The following CIMIP4 variants were observed in gnomAD, a reference collection of about 807,000 sequenced individuals.
CIMIP4 encodes the protein ciliary microtubule inner protein 4, also known as protein EAN57.
At chr22:37,002,168 G>T in the CIMIP4 span, 1 of 1,507,706 alleles carries the variant, frequency 6.6e-7, no homozygotes, top group Non-Finnish European at 8.9e-7. Context: ...GGCTCCCAGG[G>T]GCAGGGGCTG....
At chr22:37,005,815 A>G in the CIMIP4 span, among the ~76,000 whole-genome samples, 1 of 152,192 alleles carries the variant, frequency 6.6e-6, no homozygotes, top group Non-Finnish European at 1.5e-5. Context: ...TGATGAATTG[A>G]AGAAGGGACT....
chr22:37,004,171 G>A, the CIMIP4 span: 13 of 669,976 alleles, frequency 1.9e-5, no homozygotes, highest in Admixed American at 3.6e-4. Flanking sequence ...GTGCCCTCTG[G>A]CACTGCCCAG....
the CIMIP4 span, among the ~76,000 whole-genome samples, chr22:37,001,241 G>A: frequency 6.6e-6 from 1 of 151,646 alleles, no homozygotes; most frequent in Admixed American, 6.6e-5. Flanking sequence ...TGCAGGCTGG[G>A]AGGGTTGTGA....
At chr22:36,991,194 C>A in the CIMIP4 span, 1 of 1,614,142 alleles carries the variant, frequency 6.2e-7, no homozygotes, top group Non-Finnish European at 8.5e-7. Context: ...ACTTGGAGCT[C>A]TTGGATTTGC....
the CIMIP4 span, among the ~76,000 whole-genome samples, chr22:37,003,512 G>T: frequency 7.2e-5 from 11 of 152,122 alleles, no homozygotes; most frequent in Non-Finnish European, 1.6e-4. Context: ...AGTGCCAGCC[G>T]TCTCTCCCTC....
At chr22:37,003,854 AG>A in the CIMIP4 span, 1 of 1,120,888 alleles carries the variant, frequency 8.9e-7, no homozygotes, top group South Asian at 1.8e-5. Context: ...GTGGGTCTGG[AG>A]GCCAACACAA....
chr22:37,001,936 C>G, the CIMIP4 span: 3 of 1,613,810 alleles, frequency 1.9e-6, no homozygotes, highest in Non-Finnish European at 2.5e-6. Flanking sequence ...GCGTGCTCCT[C>G]TGGTCCTGAG....
At chr22:37,004,241 C>CTTCTGCAG in the CIMIP4 span, among the ~76,000 whole-genome samples, 2 of 152,164 alleles carry the variant, frequency 1.3e-5, no homozygotes, top group African/African-American at 4.8e-5. Context: ...GCCTCCTGGA[C>CTTCTGCAG]TTCTGCAGCC....
At chr22:36,996,285 A>G in the CIMIP4 span, among the ~76,000 whole-genome samples, 3 of 152,182 alleles carry the variant, frequency 2.0e-5, no homozygotes, top group South Asian at 6.2e-4. Flanking sequence ...ACTCCTAAAG[A>G]ATCAATAACT....
the CIMIP4 span, among the ~76,000 whole-genome samples, chr22:36,992,839 C>G: frequency 6.6e-6 from 1 of 151,326 alleles, no homozygotes; most frequent in African/African-American, 2.4e-5. Context: ...GGGCTGGGCG[C>G]GGTGGCTCAC....
the CIMIP4 span, among the ~76,000 whole-genome samples, chr22:37,006,211 TAG>T: frequency 6.6e-6 from 1 of 151,950 alleles, no homozygotes; most frequent in Non-Finnish European, 1.5e-5. Context: ...GTAAAAGGGA[TAG>T]AGACAGTACA....
At chr22:36,993,880 A>G in the CIMIP4 span, among the ~76,000 whole-genome samples, 1 of 152,390 alleles carries the variant, frequency 6.6e-6, no homozygotes, top group South Asian at 2.1e-4. Context: ...ATGACACTAC[A>G]GAAAATGTTT....
the CIMIP4 span, among the ~76,000 whole-genome samples, chr22:36,998,137 TA>T: frequency 6.6e-6 from 1 of 152,260 alleles, no homozygotes; most frequent in Non-Finnish European, 1.5e-5. Context: ...TGGACATTTT[TA>T]AAAATAGATT....
the CIMIP4 span, chr22:37,002,346 C>G: frequency 1.7e-6 from 2 of 1,161,414 alleles, no homozygotes; most frequent in Non-Finnish European, 2.2e-6. Context: ...GAGAGAGACA[C>G]GCAGACAAGG....
the CIMIP4 span, chr22:37,003,840 G>A: frequency 8.8e-6 from 8 of 912,892 alleles, no homozygotes; most frequent in Admixed American, 3.5e-5. Flanking sequence ...AGCCTGGGCC[G>A]ATGGTGGGTC....
chr22:37,005,885 A>C, the CIMIP4 span, among the ~76,000 whole-genome samples: 2 of 152,244 alleles, frequency 1.3e-5, no homozygotes, highest in Non-Finnish European at 2.9e-5. Context: ...CCAGATCCCA[A>C]AAGATGCTAA....
At chr22:36,993,482 CA>C in the CIMIP4 span, among the ~76,000 whole-genome samples, 3 of 150,380 alleles carry the variant, frequency 2.0e-5, no homozygotes, top group African/African-American at 7.3e-5. Context: ...GATGTAAATC[CA>C]AAAAGAGAGA....
chr22:37,003,984 C>T, the CIMIP4 span: 1 of 1,550,158 alleles, frequency 6.5e-7, no homozygotes, highest in Non-Finnish European at 8.7e-7. Flanking sequence ...TGGCCCAGCT[C>T]CATAGCCTCT....
the CIMIP4 span, among the ~76,000 whole-genome samples, chr22:36,995,051 C>T: frequency 2.6e-5 from 4 of 152,132 alleles, no homozygotes; most frequent in Admixed American, 2.6e-4. Context: ...TCTCCAATGA[C>T]AGTCACATCA....
Sources: gnomAD v4.1 joint callset for allele counts (sites outside exome capture counted in the v4.1 genomes callset) on GRCh38, gnomAD v4.1.1 for gene constraint, MANE v1.5 for transcripts, NCBI Gene and HGNC (gene_info 2026-07-23, HGNC 2026-07-21) for gene names.